The following SNX30 variants were observed in gnomAD, a reference collection of about 807,000 sequenced individuals.
The protein encoded by SNX30 is sorting nexin-30.
In SNX30, 24 loss-of-function variants were observed where a neutral mutation model predicts 46.4. That is an observed-to-expected ratio of 0.52 (90% confidence interval 0.37 to 0.73). The LOEUF is 0.73. Among genes scored for constraint, SNX30 ranks in the 30% least tolerant of loss-of-function variants. SNX30 has a pLI of 0.00. For missense variants in SNX30, 533 were observed against 555.7 expected, an observed-to-expected ratio of 0.96 and a Z score of 0.41; for synonymous variants, 189 against 211.5, an observed-to-expected ratio of 0.89 and a Z score of 0.92.
In SNX30 at chr9:112,817,774, A is replaced by C. The variant is rs1376431224; in HGVS notation, c.418A>C (p.Arg140=). 1.7e-5 allele frequency: 27 copies of C among 1,613,840 alleles called. 1 individual carries two copies. The highest frequency in any genetic ancestry group is 3.3e-4 in the Middle Eastern group (2 of 6,084). ...RRRYQDFDWL[R]SKLEESQPTH... is the part of the protein sequence containing the mutation. ...AAGATACCAGGATTTTGACTGGTTGAGGAGCAAACTGGAAGAATCCCAGCC... is the reference window on the plus strand; with the variant it reads ...AAGATACCAGGATTTTGACTGGTTGCGGAGCAAACTGGAAGAATCCCAGCC... Residue 140 remains arginine, a synonymous_variant, in exon 3 of 9, where the codon AGG becomes CGG. Coordinates refer to ENST00000374232, the MANE Select transcript of SNX30 (RefSeq NM_001012994.2).
At chr9:112,789,072 A>G (rs1409469580) in intron 1 of SNX30, among the ~76,000 whole-genome samples, 1 of 152,164 alleles carries the variant, frequency 6.6e-6, no homozygotes, top group Non-Finnish European at 1.5e-5. Flanking sequence ...CTGGGATTAC[A>G]TGAGTGCGCC....
intron 2 of SNX30, among the ~76,000 whole-genome samples, chr9:112,817,401 C>CCTTTTTTTTTTTT (rs1840414195): frequency 4.3e-5 from 2 of 46,832 alleles, no homozygotes; most frequent in African/African-American, 9.7e-5. Context: ...AAAAAACTGG[C>CCTTTTTTTTTTTT]TTTTTTTTTT....
intron 3 of SNX30, among the ~76,000 whole-genome samples, chr9:112,819,422 A>G (rs1840457588): frequency 6.6e-6 from 1 of 152,016 alleles, no homozygotes; most frequent in Non-Finnish European, 1.5e-5. Flanking sequence ...GCACACCACC[A>G]TGCCCAGCTA....
chr9:112,778,124 G>A (rs1016942956), intron 1 of SNX30, among the ~76,000 whole-genome samples: 6 of 152,222 alleles, frequency 3.9e-5, no homozygotes, highest in Admixed American at 1.3e-4. Context: ...ACATCACCAT[G>A]TGGCTTGGGC....
intron 4 of SNX30, among the ~76,000 whole-genome samples, chr9:112,835,885 TTGTA>T (rs1449808798): frequency 2.0e-5 from 3 of 152,234 alleles, no homozygotes; most frequent in Middle Eastern, 3.4e-3. Flanking sequence ...ATAGGGTACT[TTGTA>T]TGGGAGAAAC....
chr9:112,793,365 C>A (rs1840056971), intron 1 of SNX30, among the ~76,000 whole-genome samples: 1 of 152,202 alleles, frequency 6.6e-6, no homozygotes, highest in African/African-American at 2.4e-5. Flanking sequence ...CTGCTGCTTC[C>A]ATCTCTACCC....
At chr9:112,823,241 C>G (rs1441070254) in intron 3 of SNX30, among the ~76,000 whole-genome samples, 1 of 152,222 alleles carries the variant, frequency 6.6e-6, no homozygotes, top group Non-Finnish European at 1.5e-5. Context: ...TCCATGGCTT[C>G]AGCATCTGCT....
At chr9:112,861,275 C>T (rs1588141818) in intron 7 of SNX30, among the ~76,000 whole-genome samples, 1 of 152,168 alleles carries the variant, frequency 6.6e-6, no homozygotes, top group East Asian at 1.9e-4. Flanking sequence ...TGTCCTGGAC[C>T]ATGAAGAAAA....
At chr9:112,848,617 G>A (rs1840975939) in intron 6 of SNX30, among the ~76,000 whole-genome samples, 1 of 152,202 alleles carries the variant, frequency 6.6e-6, no homozygotes, top group Admixed American at 6.5e-5. Flanking sequence ...CAGGGTTGCT[G>A]GGAGCCTTTT....
intron 1 of SNX30, among the ~76,000 whole-genome samples, chr9:112,763,391 T>G (rs1466507592): frequency 2.1e-4 from 19 of 90,812 alleles, no homozygotes; most frequent in South Asian, 1.8e-3. Context: ...TTTTTTTTGG[T>G]GTGTGTGTGT....
chr9:112,822,617 G>A (rs970120338), intron 3 of SNX30, among the ~76,000 whole-genome samples: 6 of 143,674 alleles, frequency 4.2e-5, no homozygotes, highest in African/African-American at 1.0e-4. Context: ...AAGATCTCTC[G>A]TCTTATCACA....
intron 4 of SNX30, among the ~76,000 whole-genome samples, chr9:112,835,138 T>C (rs1325462870): frequency 3.3e-5 from 5 of 152,202 alleles, no homozygotes; most frequent in Non-Finnish European, 7.4e-5. Context: ...CCTCTAGTTA[T>C]ACCCTTCTAG....
At chr9:112,883,580 TATTATC>T (rs1219542685), downstream of SNX30, among the ~76,000 whole-genome samples, 3 of 152,158 alleles carry the variant, frequency 2.0e-5, no homozygotes, top group Non-Finnish European at 4.4e-5. Flanking sequence ...AGTTTGCTGT[TATTATC>T]ATTAAAAAAA....
At chr9:112,884,771 G>A (rs1841623644), downstream of SNX30, among the ~76,000 whole-genome samples, 1 of 152,140 alleles carries the variant, frequency 6.6e-6, no homozygotes, top group African/African-American at 2.4e-5. Context: ...TTTGTCTCTT[G>A]ATGTCTTTAT....
intron 1 of SNX30, among the ~76,000 whole-genome samples, chr9:112,753,386 T>G (rs913557842): frequency 1.3e-5 from 2 of 152,222 alleles, no homozygotes; most frequent in Middle Eastern, 3.4e-3. Flanking sequence ...AATTATTGAA[T>G]ATATATGTAT....
downstream of SNX30, among the ~76,000 whole-genome samples, chr9:112,883,595 AAAG>A (rs376856814): frequency 1.1e-3 from 165 of 152,252 alleles, 2 homozygotes; most frequent in South Asian, 0.015. Context: ...TCATTAAAAA[AAAG>A]AAGATGGATG....
At chr9:112,784,397 T>C (rs957144533) in intron 1 of SNX30, among the ~76,000 whole-genome samples, 6 of 152,236 alleles carry the variant, frequency 3.9e-5, no homozygotes, top group Admixed American at 6.5e-5. Context: ...CCTCAGATTG[T>C]TAAGCCTGTT....
intron 5 of SNX30, among the ~76,000 whole-genome samples, chr9:112,880,693 A>G (rs547791276): frequency 6.6e-6 from 1 of 152,300 alleles, no homozygotes; most frequent in East Asian, 1.9e-4. Flanking sequence ...GGAGTCTGTT[A>G]CTGTGCAATG....
chr9:112,814,831 C>T (rs1281075665), intron 2 of SNX30, among the ~76,000 whole-genome samples: 3 of 152,218 alleles, frequency 2.0e-5, no homozygotes, highest in South Asian at 2.1e-4. Flanking sequence ...AAGGGAATTA[C>T]GAGGTGCTCA....
Sources: allele counts gnomAD v4.1 joint callset (sites outside exome capture counted in the v4.1 genomes callset), GRCh38; gene constraint gnomAD v4.1.1; transcripts MANE v1.5; gene names NCBI Gene and HGNC (gene_info 2026-07-23, HGNC 2026-07-21).